PARP12: variants seen among roughly 807,000 people sequenced by gnomAD.
PARP12 encodes the protein protein mono-ADP-ribosyltransferase PARP12.
PARP12 carries 59 observed loss-of-function variants against 72.4 expected under a neutral mutation model. The ratio of observed to expected loss-of-function variants is 0.81; its 90% CI spans 0.66 to 1.01. The LOEUF (loss-of-function observed/expected upper bound fraction) is 1.01. Among genes scored for constraint, PARP12 ranks in the 50% least tolerant of loss-of-function variants. The pLI, the probability that PARP12 is intolerant of heterozygous loss-of-function variation, is 0.00. For synonymous variants in PARP12, 403 were observed against 371.4 expected (o/e 1.09, Z -0.98); for missense variants, 851 against 914.0 (o/e 0.93, Z 0.89).
At chr7:140,029,962 G>A (rs886703958) in intron 8 of PARP12, among the ~76,000 whole-genome samples, 4 of 152,216 alleles carry the variant, frequency 2.6e-5, no homozygotes, top group South Asian at 4.1e-4. Flanking sequence ...GGAGAGGAGA[G>A]ACAAGACAGT....
intron 3 of PARP12, 90 bp from the exon 4 acceptor site, chr7:140,054,853 G>T: frequency 1.8e-6 from 2 of 1,119,672 alleles, no homozygotes; most frequent in Middle Eastern, 2.0e-4. Flanking sequence ...CTGCACAAAA[G>T]TGGGCAACGC....
Position 140,057,039 on chromosome 7 carries a change from T to G in PARP12, c.577A>C (p.Thr193Pro). The G allele has an allele frequency of 6.2e-7, 1 of 1,614,238 alleles. No individual in the cohort carries two copies. Among genetic ancestry groups the G allele is most frequent in the Non-Finnish European group, 8.5e-7 (1 of 1,180,052 alleles). The change falls in exon 3 of 12, where the codon ACT becomes CCT. Residue 193 changes from threonine (T) to proline (P), a missense_variant. Physicochemically the swap from Thr to Pro is conservative, Grantham distance 38. Coordinates refer to ENST00000263549, the MANE Select transcript of PARP12 (RefSeq NM_022750.4). ...AAATCATGGGATCTCTTACAGCTAG[T>G]GCCAAACTTGCATTCCCCCTGTAAA... The part of the protein sequence containing the change: ...YFLQGECKFG[T>P]SCKRSHDFSN...
chr7:140,052,591 T>C (rs2116640457), intron 4 of PARP12, among the ~76,000 whole-genome samples: 1 of 152,330 alleles, frequency 6.6e-6, no homozygotes, highest in African/African-American at 2.4e-5. Context: ...TGATGTCTTA[T>C]CCTTCTTAGT....
intron 8 of PARP12, 92 bp downstream of exon 8, chr7:140,034,143 C>T (rs1816052910): frequency 3.3e-6 from 5 of 1,500,106 alleles, no homozygotes; most frequent in Admixed American, 2.1e-5. Context: ...CAACGGTGCC[C>T]GGGTGCTGTC....
intron 4 of PARP12, among the ~76,000 whole-genome samples, chr7:140,051,094 CT>C (rs577432578): frequency 1.3e-3 from 204 of 152,216 alleles, no homozygotes; most frequent in African/African-American, 4.8e-3. Context: ...GACGGGGTTA[CT>C]TTGGGGGTGT....
chr7:140,057,541 CTCT>C, intron 2 of PARP12: 1 of 359,902 alleles, frequency 2.8e-6, no homozygotes, highest in Non-Finnish European at 5.0e-6. Flanking sequence ...TCTCTGAGCT[CTCT>C]TTTCTACAAT....
rs745528059 is a variant in PARP12 at position 140,026,261 on chromosome 7, G to A, written c.1716C>T (p.Asp572=). Residue 572 remains aspartate, a synonymous_variant, in exon 11 of 12, where the codon GAC becomes GAT. Transcript: ENST00000263549. ...AGTCAAAGTTCTGCTGGCAGATGGC[G>A]TCCACAAAAATGGCGCTGGTGCCGT... ...LFHGTSAIFV[D]AICQQNFDWR... is the part of the protein sequence containing the mutation. The A allele has an allele frequency of 2.5e-5, 41 of 1,613,920 alleles. No homozygotes were observed. Among genetic ancestry groups the A allele is most frequent in the Middle Eastern group, 3.3e-4 (2 of 6,084 alleles).
chr7:140,044,236 T>C (rs1816618753), intron 5 of PARP12, among the ~76,000 whole-genome samples: 1 of 152,186 alleles, frequency 6.6e-6, no homozygotes, highest in Non-Finnish European at 1.5e-5. Context: ...CCCAAGAAGA[T>C]ATGCTGAAGG....
rs767720507 is a variant in PARP12 at position 140,062,882 on chromosome 7, G to A, written c.-35C>T. On this transcript the variant is annotated 5_prime_UTR_variant, in exon 1 of 12. Coordinates refer to ENST00000263549, the MANE Select transcript of PARP12 (RefSeq NM_022750.4). ...GCCTGCTCCCGTCGGACCGCGGGTG[G>A]CGCGACGCGGACGGCGGCGGACGCT... The A allele has an allele frequency of 1.3e-5, 16 of 1,241,728 alleles. No individual in the cohort carries two copies. The highest frequency in any genetic ancestry group is 6.4e-4 in the Middle Eastern group (2 of 3,132). 76.9% of individuals were successfully genotyped at this position (1,241,728 alleles called of 1,614,324 possible). A position where few individuals can be genotyped will look rare whatever the true frequency, so the allele number is the denominator to read the frequency against.
chr7:140,043,620 C>G (rs1367232225), intron 5 of PARP12, among the ~76,000 whole-genome samples: 1 of 152,078 alleles, frequency 6.6e-6, no homozygotes, highest in Non-Finnish European at 1.5e-5. Context: ...CTCCGCCTCC[C>G]GGATTCAAGC....
intron 4 of PARP12, among the ~76,000 whole-genome samples, chr7:140,047,753 G>T (rs920461086): frequency 1.3e-5 from 2 of 152,008 alleles, no homozygotes; most frequent in African/African-American, 4.8e-5. Flanking sequence ...CAGTAGCTGG[G>T]ATTACAGGTG....
rs1480316260 is a variant in PARP12, at chr7:140,026,340, CCT to C, written c.1635_1636del (p.Gly546ThrfsTer34). 6.2e-7 allele frequency: 1 copy of C among 1,609,746 alleles called. No homozygotes were observed. Among genetic ancestry groups the C allele is most frequent in the Non-Finnish European group, 8.5e-7 (1 of 1,179,270 alleles). ...CCCTCCGTTCTGCTTCTGCATCTGT[CCT>C]TTTTGCCTAGAATCACAGAAGAATG... On this transcript the variant is annotated frameshift_variant, in exon 11 of 12. Coordinates refer to ENST00000263549, the MANE Select transcript of PARP12 (RefSeq NM_022750.4). LOFTEE classifies it high-confidence loss of function.
intron 6 of PARP12, among the ~76,000 whole-genome samples, chr7:140,040,829 T>C (rs185219963): frequency 2.6e-5 from 4 of 152,360 alleles, no homozygotes; most frequent in Non-Finnish European, 4.4e-5. Context: ...AGTGGTGTGA[T>C]CTCTGCTCAC....
chr7:140,028,814 T>C (rs1325969059), intron 8 of PARP12, 126 bp from the exon 9 acceptor site: 4 of 772,234 alleles, frequency 5.2e-6, no homozygotes, highest in African/African-American at 1.8e-5. Context: ...CAAGAGCAGG[T>C]AGAAGGCAAG....
intron 11 of PARP12, chr7:140,025,279 A>G: frequency 3.4e-6 from 1 of 296,414 alleles, no homozygotes; most frequent in Non-Finnish European, 6.6e-6. Flanking sequence ...CCATATACGG[A>G]AGCAGTCTGT....
At chr7:140,052,038 TAGG>T (rs1476370773) in intron 4 of PARP12, among the ~76,000 whole-genome samples, 1 of 152,212 alleles carries the variant, frequency 6.6e-6, no homozygotes, top group Non-Finnish European at 1.5e-5. Flanking sequence ...TTCCCCCTTT[TAGG>T]AGCCATTGCT....
At chr7:140,035,892 A>C (rs2116547274) in intron 7 of PARP12, among the ~76,000 whole-genome samples, 1 of 147,564 alleles carries the variant, frequency 6.8e-6, no homozygotes, top group South Asian at 2.3e-4. Flanking sequence ...GAAGAGGAAG[A>C]GGAGGAGGAC....
At chr7:140,033,175 G>T (rs1207155425) in intron 8 of PARP12, 1 of 984,672 alleles carries the variant, frequency 1.0e-6, no homozygotes, top group Non-Finnish European at 1.2e-6. Flanking sequence ...TTACAGGTGT[G>T]AGTCACTGCA....
At chr7:140,055,227 C>A (rs779482162) in intron 3 of PARP12, among the ~76,000 whole-genome samples, 15 of 152,090 alleles carry the variant, frequency 9.9e-5, no homozygotes, top group Non-Finnish European at 1.9e-4. Flanking sequence ...AAACAGAGGG[C>A]TAATTTTATA....
Sources: allele counts gnomAD v4.1 joint callset (sites outside exome capture counted in the v4.1 genomes callset), GRCh38; gene constraint gnomAD v4.1.1; transcripts MANE v1.5; gene names NCBI Gene and HGNC (gene_info 2026-07-23, HGNC 2026-07-21).